The following KIF1A variants were observed in gnomAD, a reference collection of about 807,000 sequenced individuals.
KIF1A encodes the protein kinesin-like protein KIF1A.
In KIF1A, 46 loss-of-function variants were observed where a neutral mutation model predicts 227.3. That is an observed-to-expected ratio of 0.20 (90% CI 0.16 to 0.26). The LOEUF (loss-of-function observed/expected upper bound fraction) is 0.26. Ranked by LOEUF, KIF1A falls within the 10% of genes least tolerant of loss-of-function variation. The pLI is 1.00. For synonymous variants in KIF1A, 1,022 were observed against 1,012.8 expected (o/e 1.01, Z -0.17); for missense variants, 1,683 against 2,485.9 (o/e 0.68, Z 6.87).
intron 15 of KIF1A, among the ~76,000 whole-genome samples, chr2:240,770,639 C>G (rs2051829212): frequency 6.6e-6 from 1 of 152,242 alleles, no homozygotes; most frequent in South Asian, 2.1e-4. Flanking sequence ...ATTCTTGGAG[C>G]TTCCCTTGTC....
At chr2:240,724,168 C>T in intron 40 of KIF1A, 132 bp from the exon 41 acceptor site, 1 of 777,400 alleles carries the variant, frequency 1.3e-6, no homozygotes, top group South Asian at 1.4e-5. Context: ...TGTTGAGGTC[C>T]CTGAGCTACA....
intron 2 of KIF1A, among the ~76,000 whole-genome samples, chr2:240,791,961 T>C (rs1484785188): frequency 8.6e-6 from 1 of 116,474 alleles, no homozygotes; most frequent in East Asian, 2.8e-4. Flanking sequence ...CACCCTACCC[T>C]GCCGGCAACC....
chr2:240,759,731 G>C (rs775162349), intron 25 of KIF1A, among the ~76,000 whole-genome samples: 3 of 152,222 alleles, frequency 2.0e-5, no homozygotes, highest in Non-Finnish European at 4.4e-5. Flanking sequence ...GCCTGGCTGG[G>C]TGCAGTGGCT....
intron 1 of KIF1A, among the ~76,000 whole-genome samples, chr2:240,799,436 C>G (rs993488911): frequency 6.6e-6 from 1 of 152,202 alleles, no homozygotes; most frequent in Non-Finnish European, 1.5e-5. Context: ...GCCAGGCCAC[C>G]CTATGGCTAA....
chr2:240,731,454 C>T (rs1167494621), intron 38 of KIF1A, among the ~76,000 whole-genome samples: 1 of 152,214 alleles, frequency 6.6e-6, no homozygotes, highest in Non-Finnish European at 1.5e-5. Context: ...AGAGCTGGTG[C>T]CCCGACCGCA....
chr2:240,815,053 G>A (rs2058214503), intron 1 of KIF1A, among the ~76,000 whole-genome samples: 1 of 152,216 alleles, frequency 6.6e-6, no homozygotes, highest in Non-Finnish European at 1.5e-5. Context: ...CTAGCCCACT[G>A]CAGCCACTAC....
chr2:240,744,942 G>C (rs2048410248), intron 32 of KIF1A, among the ~76,000 whole-genome samples: 1 of 152,142 alleles, frequency 6.6e-6, no homozygotes, highest in Admixed American at 6.5e-5. Context: ...CTCCCGCCTG[G>C]AGAAGGAGCT....
chr2:240,810,717 C>A (rs2057799641), intron 1 of KIF1A, among the ~76,000 whole-genome samples: 1 of 152,200 alleles, frequency 6.6e-6, no homozygotes, highest in South Asian at 2.1e-4. Context: ...AAGCAGCACT[C>A]CACAGACTCA....
intron 1 of KIF1A, among the ~76,000 whole-genome samples, chr2:240,818,205 C>T (rs1394185244): frequency 6.6e-6 from 1 of 152,104 alleles, no homozygotes; most frequent in African/African-American, 2.4e-5. Context: ...CGGACCTGCC[C>T]GGGGAGGACA....
At position 240,719,699 on chromosome 2, in the gene KIF1A, G is replaced by A. The variant is rs556381441; in HGVS notation, c.5021+75C>T. 6 of 1,414,316 alleles carry A rather than the reference G, an allele frequency of 4.2e-6. No homozygotes were observed. In the South Asian group the frequency reaches 7.5e-5, roughly 18 times the overall value. The allele number at this position is 1,414,316 out of a possible 1,614,324, so 87.6% of individuals were successfully genotyped here. A position where few individuals can be genotyped will look rare whatever the true frequency, so the allele number is the denominator to read the frequency against. ...ATGAGGGTCCCTGTGCCCCCAGTATGGGGAGCAGGGTGGCCTGCCTGTCCC... is the reference window on the plus strand; with the variant it reads ...ATGAGGGTCCCTGTGCCCCCAGTATAGGGAGCAGGGTGGCCTGCCTGTCCC... On this transcript the variant is annotated intron_variant, in intron 46 of 48. Transcript: ENST00000498729.
intron 10 of KIF1A, among the ~76,000 whole-genome samples, chr2:240,780,832 A>C (rs898111218): frequency 1.8e-5 from 1 of 56,834 alleles, no homozygotes. Context: ...ACACAGCTCC[A>C]CACACACACA....
rs2047716602 is a variant in KIF1A at position 240,739,534 on chromosome 2, AT to A, written c.3901+523del. On this transcript the variant is annotated intron_variant, in intron 37 of 48. Coordinates refer to ENST00000498729, the MANE Select transcript of KIF1A (RefSeq NM_001244008.2). This position sits in a 1 kb window ranked among gnomAD's most constrained non-coding sequence, Gnocchi z 5.6. ...AAGATGCAGTCAACCCTGGAGCAGG[AT>A]GGGCCTCTAATCCAACCTGCCTGGT... 6.6e-6 allele frequency among the ~76,000 whole-genome samples: 1 copy of A among 152,158 alleles called. No homozygotes were observed. The highest frequency in any genetic ancestry group is 2.4e-5 in the African/African-American group (1 of 41,428).
At position 240,763,363 on chromosome 2, in the gene KIF1A, C is replaced by A; in HGVS notation, c.1769-17G>T. ...TGCGGTTTCCTGGGGAACAGAGGGA[C>A]AGGTGGCCTTGAGGGATGGGGATCT... On this transcript the variant is annotated splice_polypyrimidine_tract_variant and intron_variant, in intron 20 of 48. Coordinates refer to ENST00000498729, the MANE Select transcript of KIF1A (RefSeq NM_001244008.2). The A allele has an allele frequency of 1.9e-6, 3 of 1,557,382 alleles. No homozygotes were observed. The highest frequency in any genetic ancestry group is 2.6e-6 in the Non-Finnish European group (3 of 1,151,800).
rs1383106567 is a variant in KIF1A, at chr2:240,783,825, G to A, written c.721-9C>T. On this transcript the variant is annotated splice_polypyrimidine_tract_variant and intron_variant, in intron 7 of 48. Coordinates refer to ENST00000498729, the MANE Select transcript of KIF1A (RefSeq NM_001244008.2). The stretch of plus-strand genomic sequence containing the variant: ...AGGCTGATTTTGCTCACCTGAAACA[G>A]TAGATACATCACATGCAGGAAAGGC... 1.9e-6 allele frequency: 3 copies of A among 1,582,258 alleles called. No homozygotes were observed. The highest frequency in any genetic ancestry group is 3.5e-5 in the Admixed American group (2 of 56,570).
chr2:240,788,034 C>T lies in KIF1A; in HGVS notation c.363+17G>A, dbSNP rs1030989433. 1.6e-5 allele frequency: 23 copies of T among 1,448,890 alleles called. No homozygotes were observed. The highest frequency in any genetic ancestry group is 1.7e-5 in the Non-Finnish European group (18 of 1,059,058). The allele number at this position is 1,448,890 out of a possible 1,614,324, so 89.8% of individuals were successfully genotyped here. ...CCCATCTGCCAGGGCTGCCCCCGCC[C>T]GCCCCCCGCTTCGTGCCTGTGGGAT... is the stretch of plus-strand genomic sequence containing the variant. On this transcript the variant is annotated intron_variant, in intron 4 of 48. Coordinates refer to ENST00000498729, the MANE Select transcript of KIF1A (RefSeq NM_001244008.2). The surrounding 1 kb of genome is among the most constrained non-coding windows in gnomAD (Gnocchi z 6.6).
chr2:240,812,677 C>G (rs2126238192), intron 1 of KIF1A, among the ~76,000 whole-genome samples: 1 of 150,406 alleles, frequency 6.6e-6, no homozygotes, highest in South Asian at 2.1e-4. Flanking sequence ...CCTCAGGGAT[C>G]AGCCTTCACC....
At chr2:240,807,124 G>A (rs867252668) in intron 1 of KIF1A, among the ~76,000 whole-genome samples, 11 of 109,728 alleles carry the variant, frequency 1.0e-4, no homozygotes, top group South Asian at 2.7e-4. Flanking sequence ...GTGTGTGTGT[G>A]TGTGTGTATA....
chr2:240,769,537 T>C, intron 16 of KIF1A, 90 bp downstream of exon 16: 1 of 1,107,594 alleles, frequency 9.0e-7, no homozygotes, highest in Non-Finnish European at 1.3e-6. Flanking sequence ...TGCCCAGCAC[T>C]GGAGGGCAGG....
chr2:240,761,126 G>T, intron 24 of KIF1A, 103 bp downstream of exon 24: 1 of 1,369,346 alleles, frequency 7.3e-7, no homozygotes, highest in Non-Finnish European at 1.0e-6. Context: ...CACCCCCGGG[G>T]CCGGCAGAGA....
Sources: gnomAD v4.1 joint callset for allele counts (sites outside exome capture counted in the v4.1 genomes callset) on GRCh38, gnomAD v4.1.1 for gene constraint, Gnocchi (gnomAD v3.1) non-coding constraint, MANE v1.5 for transcripts, NCBI Gene and HGNC (gene_info 2026-07-23, HGNC 2026-07-21) for gene names.